SIL1: variants seen among roughly 807,000 people sequenced by gnomAD.
The protein encoded by SIL1 is SIL1 nucleotide exchange factor, also known as nucleotide exchange factor SIL1.
A neutral mutation model predicts 49.1 loss-of-function variants in SIL1; 40 were observed. The ratio of observed to expected loss-of-function variants is 0.81; its 90% CI spans 0.63 to 1.06. The LOEUF (loss-of-function observed/expected upper bound fraction) is 1.06. SIL1 is among the 50% of genes least tolerant of loss of function. SIL1 has a pLI of 0.00. For missense variants in SIL1, 500 were observed against 572.6 expected (o/e 0.87, Z 1.29); for synonymous variants, 253 against 250.8 (o/e 1.01, Z -0.08).
rs1412125061 is a variant in SIL1, at chr5:139,176,443, G to A, written c.-11+21826C>T. Among the ~76,000 whole-genome samples the A allele has an allele frequency of 2.6e-5, 4 of 151,986 alleles. No individual in the cohort carries two copies. In the East Asian group the frequency reaches 5.8e-4, roughly 22 times the overall value. On this transcript the variant is annotated intron_variant, in intron 1 of 9. Coordinates refer to ENST00000394817, the MANE Select transcript of SIL1 (RefSeq NM_022464.5). ...TTCCAAAGCTGCTTCCACATTTTAG[G>A]TATCTGTTATAGCAACACCCTACTT...
chr5:139,158,599 T>A (rs1751447581), intron 1 of SIL1, among the ~76,000 whole-genome samples: 1 of 152,028 alleles, frequency 6.6e-6, no homozygotes, highest in South Asian at 2.1e-4. Flanking sequence ...AGATCCTCAT[T>A]CATCGCACCA....
intron 3 of SIL1, among the ~76,000 whole-genome samples, chr5:139,113,160 G>C (rs931650362): frequency 6.6e-6 from 1 of 151,924 alleles, no homozygotes; most frequent in Non-Finnish European, 1.5e-5. Context: ...CAAACACTGC[G>C]GAAGGCCGCA....
intron 3 of SIL1, among the ~76,000 whole-genome samples, chr5:139,100,563 A>G (rs1220478533): frequency 6.6e-6 from 1 of 152,232 alleles, no homozygotes; most frequent in African/African-American, 2.4e-5. Flanking sequence ...TTGAGAAATA[A>G]CTGCAGGTAA....
intron 3 of SIL1, among the ~76,000 whole-genome samples, chr5:139,085,989 T>C (rs1051237722): frequency 2.6e-5 from 4 of 151,906 alleles, no homozygotes; most frequent in Non-Finnish European, 4.4e-5. Context: ...GCCGGCCAGC[T>C]TGGTGGTTCA....
intron 3 of SIL1, among the ~76,000 whole-genome samples, chr5:139,070,717 T>C (rs916040668): frequency 6.6e-6 from 1 of 152,176 alleles, no homozygotes; most frequent in East Asian, 1.9e-4. Context: ...CCATAAAATA[T>C]GCTTTGAACC....
intron 1 of SIL1, among the ~76,000 whole-genome samples, chr5:139,175,488 AG>A (rs1288901193): frequency 1.3e-5 from 2 of 152,248 alleles, no homozygotes; most frequent in Non-Finnish European, 2.9e-5. Context: ...CAACTGAACC[AG>A]TAATCAAAAA....
At chr5:138,984,340 T>TG (rs1767602385) in intron 7 of SIL1, among the ~76,000 whole-genome samples, 2 of 150,962 alleles carry the variant, frequency 1.3e-5, no homozygotes, top group Admixed American at 6.6e-5. Context: ...GTGTTTTTTT[T>TG]TTTGTTTGCT....
At chr5:139,183,611 C>T (rs1186783689) in intron 1 of SIL1, among the ~76,000 whole-genome samples, 1 of 152,316 alleles carries the variant, frequency 6.6e-6, no homozygotes, top group South Asian at 2.1e-4. Context: ...GTTTATTGCA[C>T]CTCCTGTATG....
At chr5:139,112,629 G>A (rs1294750723) in intron 3 of SIL1, among the ~76,000 whole-genome samples, 2 of 150,424 alleles carry the variant, frequency 1.3e-5, no homozygotes, top group African/African-American at 4.9e-5. Flanking sequence ...CTCCGGGAGG[G>A]AGGTGGGGGC....
chr5:139,157,490 A>T (rs908234619), intron 1 of SIL1, among the ~76,000 whole-genome samples: 2 of 152,182 alleles, frequency 1.3e-5, no homozygotes, highest in African/African-American at 4.8e-5. Flanking sequence ...AGTTTTCAGG[A>T]TGAGTGTTGG....
chr5:139,017,211 A>G (rs1768420911), intron 7 of SIL1: 1 of 152,270 alleles, frequency 6.6e-6, no homozygotes, highest in African/African-American at 2.4e-5. Context: ...GGAAATTAAG[A>G]GAGCCAACAA....
intron 3 of SIL1, among the ~76,000 whole-genome samples, chr5:139,060,017 T>C (rs1769549404): frequency 6.6e-6 from 1 of 152,254 alleles, no homozygotes; most frequent in Non-Finnish European, 1.5e-5. Flanking sequence ...AGCTTTACAG[T>C]ACCTGGTCAA....
chr5:139,189,041 A>G (rs1752123157), intron 1 of SIL1, among the ~76,000 whole-genome samples: 1 of 152,206 alleles, frequency 6.6e-6, no homozygotes, highest in South Asian at 2.1e-4. Context: ...TAAGACAACA[A>G]TGAGGTGATG....
chr5:139,109,717 A>G (rs1305326750), intron 3 of SIL1, among the ~76,000 whole-genome samples: 3 of 144,322 alleles, frequency 2.1e-5, no homozygotes, highest in Non-Finnish European at 4.6e-5. Context: ...AAAAAAAAGC[A>G]GTTTTCTTCC....
chr5:139,041,766 C>T (rs771770648), intron 5 of SIL1, among the ~76,000 whole-genome samples: 9 of 149,844 alleles, frequency 6.0e-5, no homozygotes, highest in East Asian at 3.9e-4. Context: ...ATCGTACCAC[C>T]GCACAAACAA....
chr5:139,102,136 C>T (rs976708399), intron 3 of SIL1, among the ~76,000 whole-genome samples: 3 of 152,116 alleles, frequency 2.0e-5, no homozygotes, highest in African/African-American at 7.2e-5. Context: ...CATCTAAATG[C>T]CCAACCGTAA....
chr5:139,043,258 G>A (rs1769084693), intron 4 of SIL1, among the ~76,000 whole-genome samples: 1 of 152,236 alleles, frequency 6.6e-6, no homozygotes, highest in Admixed American at 6.5e-5. Flanking sequence ...CTCTCAGCCA[G>A]CTTCTCAGGA....
At chr5:139,141,890 G>C (rs1751086788) in intron 1 of SIL1, among the ~76,000 whole-genome samples, 1 of 152,168 alleles carries the variant, frequency 6.6e-6, no homozygotes. Context: ...TCCCTTATCA[G>C]CTGACTTGTT....
At chr5:138,973,913 A>G (rs184247793) in intron 7 of SIL1, among the ~76,000 whole-genome samples, 1 of 152,312 alleles carries the variant, frequency 6.6e-6, no homozygotes, top group Admixed American at 6.5e-5. Flanking sequence ...ATTTAAAAAT[A>G]TATGTGCAAT....
Sources: allele counts gnomAD v4.1 joint callset (sites outside exome capture counted in the v4.1 genomes callset), GRCh38; gene constraint gnomAD v4.1.1; transcripts MANE v1.5; gene names NCBI Gene and HGNC (gene_info 2026-07-23, HGNC 2026-07-21).